Variants in PRKG1 observed in about 807,000 individuals in gnomAD.
The protein encoded by PRKG1 is protein kinase cGMP-dependent 1.
A neutral mutation model predicts 88.1 loss-of-function variants in PRKG1; 35 were observed. The observed-to-expected ratio is 0.40, with a 90% CI of 0.30 to 0.53. The LOEUF (loss-of-function observed/expected upper bound fraction) is 0.53, where lower values mean the gene tolerates loss of function less well. PRKG1 is among the 20% of genes least tolerant of loss of function. The pLI, the probability that PRKG1 is intolerant of heterozygous loss-of-function variation, is 0.59. For synonymous variants in PRKG1, 303 were observed against 292.5 expected (o/e 1.04, Z -0.37); for missense variants, 540 against 839.8 (o/e 0.64, Z 4.41).
Position 52,204,765 on chromosome 10 carries a change from A to C in PRKG1, c.1076+42802A>C, listed in dbSNP as rs1338246836. 2.6e-5 allele frequency among the ~76,000 whole-genome samples: 4 copies of C among 152,306 alleles called. No homozygotes were observed. In the East Asian group the frequency reaches 7.7e-4, roughly 29 times the overall value. On this transcript the variant is annotated intron_variant, in intron 9 of 17. Transcript: ENST00000373980. ...GTGCACGCAAATTGTGATAAACTGC[A>C]CAAATTTTTTATAGAGCATGTGTGT... is the stretch of plus-strand genomic sequence containing the variant.
rs183775921 is a variant in PRKG1, at chr10:51,541,285, G to C, written c.592+73449G>C. Among the ~76,000 whole-genome samples, 341 of 152,298 alleles carry C rather than the reference G, an allele frequency of 2.2e-3. 1 individual carries two copies. The highest frequency in any genetic ancestry group is 4.0e-3 in the Non-Finnish European group (272 of 68,036). Reference sequence around the variant, plus strand: ...CATGCCACTGCTGATCTGACAGGAGGCAGAGCTCAGGTGTTAACGCTCACT... The same window carrying C: ...CATGCCACTGCTGATCTGACAGGAGCCAGAGCTCAGGTGTTAACGCTCACT... On this transcript the variant is annotated intron_variant, in intron 3 of 17. Coordinates refer to ENST00000373980, the MANE Select transcript of PRKG1 (RefSeq NM_006258.4).
At chr10:51,894,569 C>T (rs1841797266) in intron 4 of PRKG1, among the ~76,000 whole-genome samples, 1 of 152,080 alleles carries the variant, frequency 6.6e-6, no homozygotes, top group Non-Finnish European at 1.5e-5. Context: ...TATTCTACAA[C>T]AATTAACAAA....
intron 1 of PRKG1, among the ~76,000 whole-genome samples, chr10:51,061,563 G>A (rs1843692755): frequency 6.6e-6 from 1 of 152,106 alleles, no homozygotes; most frequent in Non-Finnish European, 1.5e-5. Context: ...TACTGCTTTT[G>A]CTGTATTCTC....
intron 2 of PRKG1, among the ~76,000 whole-genome samples, chr10:51,244,723 C>G (rs970849221): frequency 6.6e-6 from 1 of 151,916 alleles, no homozygotes; most frequent in Non-Finnish European, 1.5e-5. Flanking sequence ...AAAAATTATC[C>G]TACTATCCTT....
chr10:51,101,974 G>A (rs2131882463), intron 1 of PRKG1, among the ~76,000 whole-genome samples: 1 of 152,282 alleles, frequency 6.6e-6, no homozygotes. Context: ...TGGCGTGCTG[G>A]CAAATACTTA....
chr10:51,502,755 A>G (rs906683534), intron 3 of PRKG1, among the ~76,000 whole-genome samples: 1 of 152,172 alleles, frequency 6.6e-6, no homozygotes, highest in Non-Finnish European at 1.5e-5. Flanking sequence ...ATGGTATATC[A>G]TGCATTTTGA....
At chr10:51,859,558 A>G (rs1384261169) in intron 4 of PRKG1, among the ~76,000 whole-genome samples, 1 of 152,156 alleles carries the variant, frequency 6.6e-6, no homozygotes, top group African/African-American at 2.4e-5. Flanking sequence ...AGAAACTCTG[A>G]CACATGAACA....
chr10:52,057,134 T>C (rs912721734), intron 6 of PRKG1, among the ~76,000 whole-genome samples: 6 of 152,186 alleles, frequency 3.9e-5, no homozygotes, highest in Non-Finnish European at 1.5e-5. Context: ...TCTTAGAAAA[T>C]GCTGTGAGAT....
At chr10:51,130,940 A>G (rs1333611861) in intron 1 of PRKG1, among the ~76,000 whole-genome samples, 3 of 152,270 alleles carry the variant, frequency 2.0e-5, no homozygotes, top group South Asian at 2.1e-4. Context: ...AAGAAAAAGA[A>G]AAGCTAAATA....
chr10:51,261,113 T>C (rs1398824653), intron 2 of PRKG1, among the ~76,000 whole-genome samples: 1 of 152,224 alleles, frequency 6.6e-6, no homozygotes, highest in African/African-American at 2.4e-5. Flanking sequence ...CAAAGGAAGA[T>C]ATTATTAAAT....
chr10:51,347,770 A>T (rs1728828955), intron 2 of PRKG1, among the ~76,000 whole-genome samples: 1 of 152,142 alleles, frequency 6.6e-6, no homozygotes, highest in Non-Finnish European at 1.5e-5. Flanking sequence ...AGAACATAAA[A>T]GTCAACAAAG....
chr10:51,008,549 C>T (rs540755155), intron 1 of PRKG1, among the ~76,000 whole-genome samples: 2 of 152,182 alleles, frequency 1.3e-5, no homozygotes, highest in Non-Finnish European at 2.9e-5. Flanking sequence ...GCATTCCAAT[C>T]TTTGCCTTCA....
At chr10:52,036,776 G>T (rs1436359924) in intron 5 of PRKG1, among the ~76,000 whole-genome samples, 2 of 152,128 alleles carry the variant, frequency 1.3e-5, no homozygotes, top group Non-Finnish European at 2.9e-5. Context: ...AACTAAAAAG[G>T]AGTGCTTAAA....
At chr10:51,380,076 A>G (rs1311151426) in intron 2 of PRKG1, among the ~76,000 whole-genome samples, 2 of 152,126 alleles carry the variant, frequency 1.3e-5, no homozygotes, top group Non-Finnish European at 2.9e-5. Flanking sequence ...GAAGCCCTCT[A>G]TGTCTAGGCT....
chr10:51,655,489 C>A (rs1840139468), intron 3 of PRKG1, among the ~76,000 whole-genome samples: 2 of 151,980 alleles, frequency 1.3e-5, no homozygotes, highest in South Asian at 4.1e-4. Context: ...TAATTCAGCA[C>A]ATTTAGAATC....
At chr10:51,178,503 G>C (rs566150732) in intron 2 of PRKG1, among the ~76,000 whole-genome samples, 1 of 152,066 alleles carries the variant, frequency 6.6e-6, no homozygotes, top group Non-Finnish European at 1.5e-5. Flanking sequence ...CAGGCATGGT[G>C]GTGGGCACTT....
intron 9 of PRKG1, among the ~76,000 whole-genome samples, chr10:52,170,213 TA>T (rs1838626671): frequency 6.6e-6 from 1 of 152,152 alleles, no homozygotes; most frequent in African/African-American, 2.4e-5. Flanking sequence ...AGAAGGACAC[TA>T]AGAAAGAAGG....
intron 9 of PRKG1, among the ~76,000 whole-genome samples, chr10:52,168,238 A>G (rs1370977257): frequency 1.3e-5 from 2 of 152,158 alleles, no homozygotes; most frequent in Non-Finnish European, 2.9e-5. Flanking sequence ...TGACATTTTA[A>G]CTAGATGTGG....
chr10:51,127,622 G>A (rs1845464287), intron 1 of PRKG1, among the ~76,000 whole-genome samples: 1 of 152,114 alleles, frequency 6.6e-6, no homozygotes, highest in Admixed American at 6.6e-5. Flanking sequence ...ATACCCAAAG[G>A]AATATACATC....
Sources: allele counts gnomAD v4.1 joint callset (sites outside exome capture counted in the v4.1 genomes callset), GRCh38; gene constraint gnomAD v4.1.1; transcripts MANE v1.5; gene names NCBI Gene and HGNC (gene_info 2026-07-23, HGNC 2026-07-21).